RAD52: variants seen among roughly 807,000 people sequenced by gnomAD.
RAD52 encodes the protein DNA repair protein RAD52 homolog.
Under a neutral mutation model 55.5 loss-of-function variants are expected in RAD52, and 47 were observed. The ratio of observed to expected loss-of-function variants is 0.85; its 90% CI spans 0.67 to 1.08. The LOEUF (loss-of-function observed/expected upper bound fraction) is 1.08, where lower values mean the gene tolerates loss of function less well. RAD52 is among the 50% of genes least tolerant of loss of function. RAD52 has a pLI of 0.00. For synonymous variants in RAD52, 184 were observed against 198.9 expected (o/e 0.92, Z 0.63); for missense variants, 468 against 522.8 (o/e 0.90, Z 1.02).
At chr12:915,744 G>C (rs1956331686) in intron 9 of RAD52, among the ~76,000 whole-genome samples, 1 of 151,554 alleles carries the variant, frequency 6.6e-6, no homozygotes, top group Non-Finnish European at 1.5e-5. Context: ...TTGAGACAGG[G>C]TCTCACTCTG....
chr12:914,304 A>G (rs1449610515), intron 10 of RAD52, 127 bp downstream of exon 10: 2 of 1,401,306 alleles, frequency 1.4e-6, no homozygotes, highest in East Asian at 2.5e-5. Flanking sequence ...AACTGGACAT[A>G]TGCTATCAGC....
At chr12:938,612 G>A (rs565235405) in intron 1 of RAD52, among the ~76,000 whole-genome samples, 15 of 152,218 alleles carry the variant, frequency 9.9e-5, no homozygotes, top group South Asian at 6.2e-4. Flanking sequence ...TGAACCCAGC[G>A]GGTGGAGGTT....
chr12:947,397 C>A (rs762916581), intron 1 of RAD52, among the ~76,000 whole-genome samples: 2 of 151,796 alleles, frequency 1.3e-5, no homozygotes, highest in Non-Finnish European at 2.9e-5. Flanking sequence ...CCTGTAATCC[C>A]AGCACTTTGG....
At chr12:983,478 G>A (rs899556791) in intron 1 of RAD52, among the ~76,000 whole-genome samples, 7 of 145,496 alleles carry the variant, frequency 4.8e-5, no homozygotes, top group Admixed American at 1.4e-4. Context: ...GAGCAATGGC[G>A]TGATCTCAGC....
intron 9 of RAD52, among the ~76,000 whole-genome samples, chr12:914,866 A>G (rs1565644917): frequency 1.3e-5 from 2 of 152,156 alleles, no homozygotes; most frequent in Non-Finnish European, 2.9e-5. Flanking sequence ...AAAATCTTAA[A>G]CTAAAATCTG....
intron 1 of RAD52, among the ~76,000 whole-genome samples, chr12:973,381 TAATACAGGCAAGA>T (rs1958893974): frequency 6.6e-6 from 1 of 152,080 alleles, no homozygotes; most frequent in Admixed American, 6.5e-5. Context: ...AAATTTTAAA[TAATACAGGCAAGA>T]AATGTTGGTG....
At chr12:922,963 TGGGATTACAGGCAGGCTGACCACC>T (rs748218798) in intron 7 of RAD52, among the ~76,000 whole-genome samples, 180 of 151,962 alleles carry the variant, frequency 1.2e-3, no homozygotes, top group Non-Finnish European at 1.9e-3. Context: ...CCAGAAGAGC[TGGGATTACAGGCAGGCTGACCACC>T]GGGATTACAG....
intron 1 of RAD52, chr12:977,081 A>G (rs1958943975): frequency 6.6e-6 from 1 of 152,374 alleles, no homozygotes; most frequent in South Asian, 2.1e-4. Flanking sequence ...AGACAGAAGT[A>G]GATTTAAGGC....
chr12:914,658 C>T (rs1171483859), intron 9 of RAD52, 126 bp from the exon 10 acceptor site: 32 of 1,120,342 alleles, frequency 2.9e-5, no homozygotes, highest in Non-Finnish European at 3.6e-5. Context: ...CTTAGGGCTG[C>T]GCTGCTTCTG....
chr12:923,276 C>A (rs532784937), intron 7 of RAD52, among the ~76,000 whole-genome samples: 8 of 151,692 alleles, frequency 5.3e-5, no homozygotes, highest in Non-Finnish European at 7.4e-5. Context: ...TACAGTGGCC[C>A]ACGCTGCAAT....
intron 1 of RAD52, among the ~76,000 whole-genome samples, chr12:933,706 C>A (rs963419994): frequency 1.3e-5 from 2 of 152,048 alleles, no homozygotes; most frequent in South Asian, 2.1e-4. Flanking sequence ...ACAAAAAATT[C>A]TTTATGGGAA....
chr12:927,983 T>G (rs1199850947), intron 5 of RAD52, among the ~76,000 whole-genome samples: 1 of 152,164 alleles, frequency 6.6e-6, no homozygotes, highest in Non-Finnish European at 1.5e-5. Context: ...AGCTCCTGCC[T>G]CTCACCAAAA....
At chr12:982,718 C>T (rs1047524289) in intron 1 of RAD52, among the ~76,000 whole-genome samples, 2 of 132,254 alleles carry the variant, frequency 1.5e-5, no homozygotes, top group African/African-American at 2.9e-5. Context: ...TAGGCTGGAG[C>T]GCAGTGGTGG....
intron 1 of RAD52, among the ~76,000 whole-genome samples, chr12:973,299 G>C (rs1029604683): frequency 2.7e-4 from 41 of 152,180 alleles, no homozygotes; most frequent in African/African-American, 9.4e-4. Context: ...TCGATCTCCT[G>C]ACCTCGTGAT....
rs377365491 is a variant in RAD52 at position 985,482 on chromosome 12, C to T, written c.-19+4327G>A. Among the ~76,000 whole-genome samples the T allele has an allele frequency of 5.3e-5, 8 of 152,278 alleles. No individual in the cohort carries two copies. In the South Asian group the frequency reaches 1.7e-3, roughly 32 times the overall value. On this transcript the variant is annotated intron_variant, in intron 1 of 11. Coordinates refer to the RAD52 transcript ENST00000430095. ...TTTTGTTACTTGTCCTTTGGTCTCA[C>T]AGCTAAGAAACTATTGCCTAATCCA...
chr12:958,578 G>A (rs1284978548), intron 1 of RAD52, among the ~76,000 whole-genome samples: 3 of 152,224 alleles, frequency 2.0e-5, no homozygotes, highest in Non-Finnish European at 2.9e-5. Context: ...CTCACTGGGA[G>A]ACTGTTGAAG....
intron 5 of RAD52, 136 bp downstream of exon 5, chr12:929,683 C>T: frequency 1.2e-6 from 1 of 862,262 alleles, no homozygotes; most frequent in Non-Finnish European, 2.0e-6. Flanking sequence ...ATTTGAATTC[C>T]ACCACTCTAG....
At position 986,556 on chromosome 12, in the gene RAD52, G is replaced by A. The variant is rs1318923406; in HGVS notation, c.-19+3253C>T. Among the ~76,000 whole-genome samples the A allele has an allele frequency of 2.0e-5, 3 of 152,050 alleles. No individual in the cohort carries two copies. The East Asian group carries it at 5.8e-4, about 29-fold the overall frequency. On this transcript the variant is annotated intron_variant, in intron 1 of 11. Transcript: ENST00000430095. Reference sequence around the variant, plus strand: ...TTTTAAAATTTTTTTGTAGAGACAGGGTCTCGCTGTGTTGTCTGGGGTGGT... The same window carrying A: ...TTTTAAAATTTTTTTGTAGAGACAGAGTCTCGCTGTGTTGTCTGGGGTGGT...
intron 1 of RAD52, among the ~76,000 whole-genome samples, chr12:967,946 G>A (rs778021936): frequency 8.1e-4 from 123 of 152,092 alleles, no homozygotes; most frequent in Non-Finnish European, 1.7e-3. Flanking sequence ...GCCTCCCAAA[G>A]TGCTGGGATT....
Sources: allele counts gnomAD v4.1 joint callset (sites outside exome capture counted in the v4.1 genomes callset), GRCh38; gene constraint gnomAD v4.1.1; transcripts MANE v1.5; gene names NCBI Gene and HGNC (gene_info 2026-07-23, HGNC 2026-07-21).